The following MCHR2 variants were observed in gnomAD, a reference collection of about 807,000 sequenced individuals.
MCHR2 encodes melanin concentrating hormone receptor 2, also known as melanin-concentrating hormone receptor 2.
A neutral mutation model predicts 24.8 loss-of-function variants in MCHR2; 15 were observed. The ratio of observed to expected loss-of-function variants is 0.60; its 90% CI spans 0.40 to 0.93. MCHR2 has a LOEUF of 0.93. MCHR2 is among the 40% of genes least tolerant of loss of function. The pLI, the probability that MCHR2 is intolerant of heterozygous loss-of-function variation, is 0.00. For synonymous variants in MCHR2, 151 were observed against 147.6 expected (o/e 1.02, Z -0.17); for missense variants, 386 against 408.7 (o/e 0.94, Z 0.48).
intron 1 of MCHR2, among the ~76,000 whole-genome samples, chr6:99,987,902 CAAG>C (rs1775799228): frequency 6.6e-6 from 1 of 152,042 alleles, no homozygotes; most frequent in South Asian, 2.1e-4. Flanking sequence ...GAAAAGGAAA[CAAG>C]AGACTAACAA....
At chr6:99,962,700 G>A (rs1328353027) in intron 1 of MCHR2, among the ~76,000 whole-genome samples, 1 of 152,038 alleles carries the variant, frequency 6.6e-6, no homozygotes, top group Non-Finnish European at 1.5e-5. Flanking sequence ...TGATTTCTTG[G>A]ATATGATATC....
chr6:99,987,497 C>A (rs900059702), intron 1 of MCHR2, among the ~76,000 whole-genome samples: 2 of 152,100 alleles, frequency 1.3e-5, no homozygotes, highest in African/African-American at 4.8e-5. Flanking sequence ...TCCATGCTCG[C>A]TGCCATTCTT....
chr6:99,983,678 T>C (rs7773011), intron 1 of MCHR2, among the ~76,000 whole-genome samples: 53,252 of 152,034 alleles, frequency 0.35, 9,834 homozygotes, highest in Non-Finnish European at 0.38. Flanking sequence ...GCAAATTTCT[T>C]CCTCGAAACA....
chr6:99,964,743 A>C (rs1562129221), intron 1 of MCHR2, among the ~76,000 whole-genome samples: 1 of 152,146 alleles, frequency 6.6e-6, no homozygotes, highest in Non-Finnish European at 1.5e-5. Flanking sequence ...ACTGAAATTA[A>C]CCAAATGTCC....
chr6:99,944,430 C>T (rs72938052), intron 3 of MCHR2, among the ~76,000 whole-genome samples: 2,665 of 152,214 alleles, frequency 0.018, 72 homozygotes, highest in East Asian at 0.12. Context: ...TTAATTTTCT[C>T]CAAGTTTTTG....
At chr6:99,961,707 G>A (rs141956834) in intron 1 of MCHR2, among the ~76,000 whole-genome samples, 14 of 152,134 alleles carry the variant, frequency 9.2e-5, no homozygotes, top group East Asian at 3.9e-4. Context: ...GGCCTGTTGC[G>A]GGATGGGAGG....
intron 4 of MCHR2, among the ~76,000 whole-genome samples, chr6:99,940,469 A>G (rs775695906): frequency 6.6e-6 from 1 of 151,954 alleles, no homozygotes; most frequent in Non-Finnish European, 1.5e-5. Context: ...TTTCTCTGAT[A>G]TATTTCTGAA....
At chr6:99,960,645 G>A (rs987924357) in intron 1 of MCHR2, among the ~76,000 whole-genome samples, 57 of 152,016 alleles carry the variant, frequency 3.7e-4, no homozygotes, top group Admixed American at 2.4e-3. Flanking sequence ...TAGACAAATG[G>A]AACGGAACAG....
At chr6:99,927,744 A>G (rs990781160) in intron 5 of MCHR2, among the ~76,000 whole-genome samples, 14 of 152,058 alleles carry the variant, frequency 9.2e-5, no homozygotes, top group African/African-American at 2.2e-4. Context: ...GGACTGAGAC[A>G]ATGGGGTTTT....
Position 99,919,731 on chromosome 6 carries a change from T to A in MCHR2, c.*1209A>T, listed in dbSNP as rs1266195995. Among the ~76,000 whole-genome samples, 1 of 127,068 alleles carries A rather than the reference T, an allele frequency of 7.9e-6. No individual in the cohort carries two copies. The highest frequency in any genetic ancestry group is 2.6e-5 in the African/African-American group (1 of 38,078). 83.4% of individuals were successfully genotyped at this position (127,068 alleles called of 152,430 possible). On this transcript the variant is annotated 3_prime_UTR_variant, in exon 6 of 6. Coordinates refer to ENST00000281806, the MANE Select transcript of MCHR2 (RefSeq NM_001040179.2). The stretch of plus-strand genomic sequence containing the variant: ...GTTTCTTGTTTTTTTTTTTGTTTGT[T>A]TTGTTTTTTTTTTTGAGATGACGTC...
chr6:99,984,392 TG>T (rs1221379688), intron 1 of MCHR2, among the ~76,000 whole-genome samples: 5 of 152,080 alleles, frequency 3.3e-5, no homozygotes, highest in Admixed American at 6.5e-5. Context: ...GTATATCTCC[TG>T]AAGTTATCCC....
intron 2 of MCHR2, among the ~76,000 whole-genome samples, chr6:99,949,572 G>C (rs1774930176): frequency 6.6e-6 from 1 of 152,120 alleles, no homozygotes; most frequent in Admixed American, 6.5e-5. Flanking sequence ...AGATTCTCAT[G>C]TGAAACATTA....
At position 99,921,112 on chromosome 6, in the gene MCHR2, A is replaced by G; in HGVS notation, c.851T>C (p.Phe284Ser). ...NLQMEQPTLA[F>S]YVGYYLSICL... ...GATGGAGAGGTAATAACCCACATAGAAGGCCAGTGTGGGCTGTTCCATCTG... is the reference window on the plus strand; with the variant it reads ...GATGGAGAGGTAATAACCCACATAGGAGGCCAGTGTGGGCTGTTCCATCTG... Residue 284 changes from phenylalanine (F) to serine (S), a missense_variant, in exon 6 of 6, where the codon TTC becomes TCC. Coordinates refer to ENST00000281806, the MANE Select transcript of MCHR2 (RefSeq NM_001040179.2). 17 of 1,614,172 alleles carry G rather than the reference A, an allele frequency of 1.1e-5. No individual in the cohort carries two copies. The highest frequency in any genetic ancestry group is 1.4e-5 in the Non-Finnish European group (17 of 1,180,010).
At chr6:99,924,120 C>T (rs1174326662) in intron 5 of MCHR2, among the ~76,000 whole-genome samples, 3 of 151,904 alleles carry the variant, frequency 2.0e-5, no homozygotes, top group Non-Finnish European at 2.9e-5. Flanking sequence ...TGGATTTCTT[C>T]CTGGTTCAAT....
intron 1 of MCHR2, among the ~76,000 whole-genome samples, chr6:99,974,770 T>C (rs543173878): frequency 6.6e-6 from 1 of 152,346 alleles, no homozygotes; most frequent in South Asian, 2.1e-4. Flanking sequence ...GTTTTCCTTC[T>C]AACAGACAGG....
chr6:99,969,279 G>T (rs1220894609), intron 1 of MCHR2, among the ~76,000 whole-genome samples: 3 of 151,906 alleles, frequency 2.0e-5, no homozygotes, highest in Non-Finnish European at 4.4e-5. Flanking sequence ...TTCAAGACCA[G>T]CCTGGCCAAC....
intron 3 of MCHR2, among the ~76,000 whole-genome samples, chr6:99,947,391 T>C (rs1245820616): frequency 6.6e-6 from 1 of 152,168 alleles, no homozygotes; most frequent in Non-Finnish European, 1.5e-5. Flanking sequence ...ACTAATTCTC[T>C]ATGTGCTTCT....
At chr6:99,959,985 C>T (rs1775146780) in intron 1 of MCHR2, among the ~76,000 whole-genome samples, 1 of 151,860 alleles carries the variant, frequency 6.6e-6, no homozygotes, top group Non-Finnish European at 1.5e-5. Context: ...TGAAATCTTC[C>T]TAAATCTGGG....
chr6:99,931,676 C>T (rs1290147225), intron 5 of MCHR2, among the ~76,000 whole-genome samples: 2 of 152,144 alleles, frequency 1.3e-5, no homozygotes, highest in Non-Finnish European at 2.9e-5. Flanking sequence ...GTGCCGTCTC[C>T]TAAGCCCGTC....
Sources: allele counts gnomAD v4.1 joint callset (sites outside exome capture counted in the v4.1 genomes callset), GRCh38; gene constraint gnomAD v4.1.1; transcripts MANE v1.5; gene names NCBI Gene and HGNC (gene_info 2026-07-23, HGNC 2026-07-21).